IAH1: variants seen among roughly 807,000 people sequenced by gnomAD.
IAH1 encodes isoamyl acetate hydrolyzing esterase 1 (putative).
A neutral mutation model predicts 26.7 loss-of-function variants in IAH1; 24 were observed. That is an observed-to-expected ratio of 0.90 (90% confidence interval 0.65 to 1.26). The LOEUF is 1.26. IAH1 is among the 50% of genes most tolerant of loss of function. The pLI is 0.00. For synonymous variants in IAH1, 140 were observed against 118.5 expected (o/e 1.18, Z -1.18); for missense variants, 300 against 299.9 (o/e 1.00, Z 0.00).
upstream of IAH1, chr2:9,474,433 G>T: frequency 2.1e-6 from 1 of 467,640 alleles, no homozygotes; most frequent in Non-Finnish European, 3.7e-6. This position sits in a 1 kb window ranked among gnomAD's most constrained non-coding sequence, Gnocchi z 4.3. Flanking sequence ...CGGACTCCAA[G>T]GGGCAACGAC....
chr2:9,481,674 A>G (rs568654389), intron 4 of IAH1, among the ~76,000 whole-genome samples: 132 of 152,152 alleles, frequency 8.7e-4, no homozygotes, highest in Non-Finnish European at 1.7e-3. Context: ...TCAGGAGGGA[A>G]CCGCGGGCCT....
intron 5 of IAH1, chr2:9,486,902 C>A (rs894916095): frequency 3.6e-4 from 54 of 151,418 alleles, no homozygotes; most frequent in African/African-American, 1.3e-3. Context: ...TAGTGAGATT[C>A]TTCCCCAAGA....
At chr2:9,490,487 G>A (rs1309644556), downstream of IAH1, 5 of 1,613,962 alleles carry the variant, frequency 3.1e-6, no homozygotes, top group Non-Finnish European at 3.4e-6. Flanking sequence ...GCGAACCGAT[G>A]CAGAATCCAT....
the IAH1 span, chr2:9,509,886 G>A: frequency 8.8e-6 from 13 of 1,475,750 alleles, no homozygotes; most frequent in Non-Finnish European, 1.2e-5. Context: ...CTAGGGAAAC[G>A]CCTAGGAATG....
At chr2:9,510,686 G>C in the IAH1 span, among the ~76,000 whole-genome samples, 1 of 147,604 alleles carries the variant, frequency 6.8e-6, no homozygotes, top group South Asian at 2.1e-4. Context: ...AAAAAAATTA[G>C]CCAGGCATGG....
chr2:9,497,024 C>T (rs1298082682), downstream of IAH1: 3 of 1,550,284 alleles, frequency 1.9e-6, no homozygotes, highest in African/African-American at 4.1e-5. Context: ...CCACTGCTGT[C>T]ATTCGCACAA....
At chr2:9,491,378 G>GTACA (rs1269689575), downstream of IAH1, among the ~76,000 whole-genome samples, 6 of 152,252 alleles carry the variant, frequency 3.9e-5, no homozygotes, top group Non-Finnish European at 5.9e-5. Flanking sequence ...TTGGCGTTAA[G>GTACA]TACAGAAAGA....
intron 2 of IAH1, among the ~76,000 whole-genome samples, chr2:9,477,639 C>T (rs562830302): frequency 2.4e-4 from 36 of 150,458 alleles, no homozygotes; most frequent in African/African-American, 8.3e-4. Context: ...CACAGGGAGC[C>T]GAGAAACAAA....
At position 9,481,321 on chromosome 2, in the gene IAH1, T is replaced by C; in HGVS notation, c.319T>C (p.Tyr107His). The C allele has an allele frequency of 6.2e-7, 1 of 1,614,076 alleles. No individual in the cohort carries two copies. Among genetic ancestry groups the C allele is most frequent in the Non-Finnish European group, 8.5e-7 (1 of 1,180,006 alleles). ...NPKQHIPLEE[Y>H]AANLKSMVQY... ...CAAGCAGCACATTCCCCTGGAGGAG[T>C]ACGCTGCGAACCTAAAGAGCATGGT... is the stretch of plus-strand genomic sequence containing the variant. The change falls in exon 4 of 6, where the codon TAC becomes CAC. Residue 107 changes from tyrosine (Y) to histidine (H), a missense_variant. Physicochemically the swap from Tyr to His is moderately conservative, Grantham distance 83 (BLOSUM62 2). Transcript: ENST00000497473.
downstream of IAH1, among the ~76,000 whole-genome samples, chr2:9,497,623 G>T (rs368090161): frequency 6.6e-6 from 1 of 152,126 alleles, no homozygotes; most frequent in African/African-American, 2.4e-5. Flanking sequence ...TGACTTCATC[G>T]CACACAACTC....
chr2:9,492,280 C>T (rs933294168), downstream of IAH1, among the ~76,000 whole-genome samples: 9 of 152,122 alleles, frequency 5.9e-5, no homozygotes, highest in Non-Finnish European at 1.2e-4. Context: ...TGAATGGATT[C>T]GTAAGAACAT....
intron 5 of IAH1, 163 bp downstream of exon 5, chr2:9,484,713 C>A: frequency 1.7e-6 from 1 of 577,790 alleles, no homozygotes; most frequent in Non-Finnish European, 3.1e-6. Context: ...AATGGAGGTT[C>A]CAGGATGGCT....
At chr2:9,509,614 G>A in the IAH1 span, among the ~76,000 whole-genome samples, 2 of 152,174 alleles carry the variant, frequency 1.3e-5, no homozygotes, top group Non-Finnish European at 2.9e-5. Flanking sequence ...AACTGTACAT[G>A]TAAATTGTAG....
intron 2 of IAH1, 39 bp from the exon 3 acceptor site, chr2:9,478,183 C>T (rs1466086563): frequency 1.3e-6 from 2 of 1,571,442 alleles, no homozygotes; most frequent in Admixed American, 3.6e-5. Context: ...ATAAACACTT[C>T]TTGCCCACAA....
chr2:9,506,568 T>C, the IAH1 span, among the ~76,000 whole-genome samples: 1 of 152,036 alleles, frequency 6.6e-6, no homozygotes. Context: ...GGTTTCACCA[T>C]GTTGACCAGG....
At chr2:9,493,114 ATGTC>A, downstream of IAH1, 2 of 716,982 alleles carry the variant, frequency 2.8e-6, no homozygotes, top group South Asian at 4.0e-5. Flanking sequence ...CGAGAGCAGA[ATGTC>A]TGTGCTGCCT....
At chr2:9,492,181 T>G (rs746580951), downstream of IAH1, among the ~76,000 whole-genome samples, 7 of 152,218 alleles carry the variant, frequency 4.6e-5, no homozygotes, top group Non-Finnish European at 7.3e-5. Context: ...AAGGCCACTA[T>G]GAAAGAGTTT....
rs781020810 is a variant in IAH1, at chr2:9,478,242, G to A, written c.155G>A (p.Arg52His). Residue 52 changes from arginine (R) to histidine (H), a missense_variant, in exon 3 of 6, where the codon CGT becomes CAT. By Grantham distance (29) the Arg-to-His change is conservative (BLOSUM62 0). Coordinates refer to ENST00000497473, the MANE Select transcript of IAH1 (RefSeq NM_001039613.3). ...TTCAGAAAATGTGATGTTCTGAATC[G>A]TGGATTTTCAGGTTACAATACCAGG... ...RLVRKCDVLN[R>H]GFSGYNTRWA... 6.8e-6 allele frequency: 11 copies of A among 1,606,348 alleles called. No homozygotes were observed. The highest frequency in any genetic ancestry group is 3.4e-5 in the Admixed American group (2 of 58,268).
intron 2 of IAH1, among the ~76,000 whole-genome samples, chr2:9,477,989 A>G (rs1455914797): frequency 6.6e-6 from 1 of 152,120 alleles, no homozygotes; most frequent in East Asian, 1.9e-4. Context: ...GCCCCTTTAT[A>G]TATAATTACT....
Sources: gnomAD v4.1 joint callset for allele counts (sites outside exome capture counted in the v4.1 genomes callset) on GRCh38, gnomAD v4.1.1 for gene constraint, Gnocchi (gnomAD v3.1) non-coding constraint, MANE v1.5 for transcripts, NCBI Gene and HGNC (gene_info 2026-07-23, HGNC 2026-07-21) for gene names.